CCDC152: variants seen among roughly 807,000 people sequenced by gnomAD.
CCDC152 encodes the protein coiled-coil domain containing 152.
CCDC152 carries 37 observed loss-of-function variants against 38.1 expected under a neutral mutation model. That is an observed-to-expected ratio of 0.97 (90% CI 0.75 to 1.28). The LOEUF is 1.28. CCDC152 is among the 50% of genes most tolerant of loss of function. The pLI, the probability that CCDC152 is intolerant of heterozygous loss-of-function variation, is 0.00. For missense variants in CCDC152, 259 were observed against 292.1 expected, an observed-to-expected ratio of 0.89 and a Z score of 0.83; for synonymous variants, 83 against 87.1, an observed-to-expected ratio of 0.95 and a Z score of 0.26.
chr5:42,764,916 C>T (rs1478660724), intron 3 of CCDC152, among the ~76,000 whole-genome samples: 1 of 152,150 alleles, frequency 6.6e-6, no homozygotes, highest in Non-Finnish European at 1.5e-5. Context: ...ACTGGAAGTC[C>T]TAGCTAGAGC....
chr5:42,765,872 A>C (rs1489677530), intron 3 of CCDC152, among the ~76,000 whole-genome samples: 3 of 152,310 alleles, frequency 2.0e-5, no homozygotes, highest in Non-Finnish European at 4.4e-5. Flanking sequence ...ATTGAGCAAT[A>C]ACCCACAAGC....
chr5:42,775,650 G>T (rs895788489), intron 4 of CCDC152, among the ~76,000 whole-genome samples: 6 of 151,942 alleles, frequency 3.9e-5, no homozygotes, highest in Admixed American at 2.0e-4. Context: ...ATAAGTGAAG[G>T]TAAAATAAAA....
chr5:42,801,272 A>T lies in CCDC152; in HGVS notation c.*1491A>T. 6.2e-7 allele frequency: 1 copy of T among 1,614,112 alleles called. No individual in the cohort carries two copies. The highest frequency in any genetic ancestry group is 8.5e-7 in the Non-Finnish European group (1 of 1,180,014). ...GATGGTAATGAGGCGATGGAGTTTC[A>T]ACTGTTTTATCCACAGTAGCCAAAG... On this transcript the variant is annotated 3_prime_UTR_variant, in exon 9 of 9. Coordinates refer to ENST00000361970, the MANE Select transcript of CCDC152 (RefSeq NM_001134848.2).
intron 3 of CCDC152, among the ~76,000 whole-genome samples, chr5:42,764,301 T>G (rs1034586117): frequency 6.6e-6 from 1 of 152,046 alleles, no homozygotes; most frequent in Non-Finnish European, 1.5e-5. Context: ...TCCCAGTTAC[T>G]CGGGAGATTG....
intron 6 of CCDC152, among the ~76,000 whole-genome samples, chr5:42,786,277 TA>T (rs1335648659): frequency 9.9e-5 from 15 of 152,014 alleles, no homozygotes; most frequent in African/African-American, 3.6e-4. Context: ...GTTGTTGGTA[TA>T]TTTTTTATTA....
At chr5:42,788,403 G>A (rs1053211689) in intron 6 of CCDC152, among the ~76,000 whole-genome samples, 1 of 151,536 alleles carries the variant, frequency 6.6e-6, no homozygotes, top group African/African-American at 2.4e-5. Flanking sequence ...AATCCAATCA[G>A]GCTAACATAG....
intron 5 of CCDC152, among the ~76,000 whole-genome samples, chr5:42,782,275 C>G (rs186171305): frequency 6.6e-6 from 1 of 152,110 alleles, no homozygotes; most frequent in Non-Finnish European, 1.5e-5. Context: ...TTGAACAGTG[C>G]CTTTTGTTGG....
intron 1 of CCDC152, among the ~76,000 whole-genome samples, chr5:42,757,325 C>A (rs1561270273): frequency 6.6e-6 from 1 of 152,142 alleles, no homozygotes; most frequent in African/African-American, 2.4e-5. Context: ...GTGGGGCAGG[C>A]GAGCGGCGAA....
intron 6 of CCDC152, among the ~76,000 whole-genome samples, chr5:42,788,758 C>A (rs1759959275): frequency 6.6e-6 from 1 of 152,102 alleles, no homozygotes; most frequent in African/African-American, 2.4e-5. Context: ...AAATTAATAA[C>A]TTTGATGAAG....
intron 4 of CCDC152, among the ~76,000 whole-genome samples, chr5:42,774,936 A>G (rs532350520): frequency 6.6e-6 from 1 of 152,102 alleles, no homozygotes; most frequent in African/African-American, 2.4e-5. Context: ...TAGACTAGAC[A>G]TAGCCTAATG....
chr5:42,802,164 G>A lies in CCDC152; in HGVS notation c.*2383G>A, dbSNP rs1760220959. On this transcript the variant is annotated 3_prime_UTR_variant, in exon 9 of 9. Transcript: ENST00000361970. ...ACCATAAGGCTGTCAGCTGAAAATA[G>A]CAAATTACTGCCCGACTCCCATTGA... The A allele has an allele frequency of 6.6e-6, 1 of 152,126 alleles. No homozygotes were observed. The highest frequency in any genetic ancestry group is 3.2e-3 in the Middle Eastern group (1 of 316). 9.4% of individuals were successfully genotyped at this position (152,126 alleles called of 1,614,324 possible). A position where few individuals can be genotyped will look rare whatever the true frequency, so the allele number is the denominator to read the frequency against.
Position 42,756,840 on chromosome 5 carries a change from A to C in CCDC152, c.-48A>C, listed in dbSNP as rs1178593375. ...AGCATTCAGGGGTGTACCAGGCCCC[A>C]GAGGCAGCGGAAAGGGAGACTGTGG... On this transcript the variant is annotated 5_prime_UTR_variant, in exon 1 of 9. Transcript: ENST00000361970. 2 of 152,870 alleles carry C rather than the reference A, an allele frequency of 1.3e-5. No homozygotes were observed. The highest frequency in any genetic ancestry group is 4.8e-5 in the African/African-American group (2 of 41,470). 9.5% of individuals were successfully genotyped at this position (152,870 alleles called of 1,614,324 possible).
In CCDC152 at chr5:42,800,627, C is replaced by T; in HGVS notation, c.*846C>T. The T allele has an allele frequency of 7.1e-7, 1 of 1,403,500 alleles. No homozygotes were observed. The highest frequency in any genetic ancestry group is 9.6e-7 in the Non-Finnish European group (1 of 1,041,316). The allele number at this position is 1,403,500 out of a possible 1,614,324, so 86.9% of individuals were successfully genotyped here. A position where few individuals can be genotyped will look rare whatever the true frequency, so the allele number is the denominator to read the frequency against. On this transcript the variant is annotated 3_prime_UTR_variant, in exon 9 of 9. Transcript: ENST00000361970. Reference sequence around the variant, plus strand: ...CTCCATGTTTGCACAAATCTAATTTCTATTTTTGGTTCACTAATTTGGTAG... The same window carrying T: ...CTCCATGTTTGCACAAATCTAATTTTTATTTTTGGTTCACTAATTTGGTAG...
chr5:42,769,742 G>GTTT, intron 4 of CCDC152, 77 bp downstream of exon 4: 2 of 1,384,852 alleles, frequency 1.4e-6, no homozygotes, highest in Non-Finnish European at 1.9e-6. Context: ...GTTTTTACAT[G>GTTT]GTTGATAATA....
chr5:42,795,251 C>G, intron 6 of CCDC152, among the ~76,000 whole-genome samples: 1 of 152,120 alleles, frequency 6.6e-6, no homozygotes, highest in East Asian at 1.9e-4. Flanking sequence ...GCTGGCATAG[C>G]TATACTAATA....
At chr5:42,762,577 A>G in intron 3 of CCDC152, 29 bp downstream of exon 3, 1 of 1,127,842 alleles carries the variant, frequency 8.9e-7, no homozygotes, top group South Asian at 1.3e-5. Context: ...GAGGAATGCT[A>G]ATTCTAATGA....
Position 42,779,525 on chromosome 5 carries a change from G to A in CCDC152, c.327+3G>A, listed in dbSNP as rs1416750671. ...AGAAGTTAAAGTCTCATGAACAGGT[G>A]AGTTTATGTATCATTCTATTCAGTC... On this transcript the variant is annotated splice_donor_region_variant and intron_variant, in intron 5 of 8. Transcript: ENST00000361970. 4 of 1,465,960 alleles carry A rather than the reference G, an allele frequency of 2.7e-6. No homozygotes were observed. Among genetic ancestry groups the A allele is most frequent in the East Asian group, 2.5e-5 (1 of 40,438 alleles). The allele number at this position is 1,465,960 out of a possible 1,614,324, so 90.8% of individuals were successfully genotyped here.
chr5:42,764,267 G>C (rs961552957), intron 3 of CCDC152, among the ~76,000 whole-genome samples: 1 of 151,968 alleles, frequency 6.6e-6, no homozygotes, highest in Admixed American at 6.6e-5. Context: ...AAAATTAGCC[G>C]GGCATGGTGG....
intron 3 of CCDC152, 104 bp from the exon 4 acceptor site, chr5:42,769,493 C>T: frequency 2.4e-6 from 3 of 1,272,870 alleles, no homozygotes; most frequent in Non-Finnish European, 3.1e-6. Flanking sequence ...CACACATCAC[C>T]ATGCCTGGCT....
Sources: gnomAD v4.1 joint callset for allele counts (sites outside exome capture counted in the v4.1 genomes callset) on GRCh38, gnomAD v4.1.1 for gene constraint, MANE v1.5 for transcripts, NCBI Gene and HGNC (gene_info 2026-07-23, HGNC 2026-07-21) for gene names.